The following RFLNA variants were observed in gnomAD, a reference collection of about 807,000 sequenced individuals.
RFLNA encodes refilin-A.
A neutral mutation model predicts 7.8 loss-of-function variants in RFLNA; 5 were observed. That is an observed-to-expected ratio of 0.64 (90% CI 0.34 to 1.35). RFLNA has a LOEUF of 1.35. RFLNA is among the 40% of genes most tolerant of loss of function. The probability of loss-of-function intolerance (pLI) is 0.04; values close to 1 mark genes in which losing one functional copy is unlikely to be tolerated. For missense variants in RFLNA, 278 were observed against 305.5 expected, an observed-to-expected ratio of 0.91 and a Z score of 0.67; for synonymous variants, 141 against 131.3, an observed-to-expected ratio of 1.07 and a Z score of -0.50.
chr12:124,296,126 C>CTTTCTTTCTT (rs1566320083), intron 1 of RFLNA, among the ~76,000 whole-genome samples: 2 of 1,512 alleles, frequency 1.3e-3, no homozygotes, highest in African/African-American at 1.1e-3. Context: ...CTTTCTTTCT[C>CTTTCTTTCTT]TCTCTCTCTC....
intron 1 of RFLNA, among the ~76,000 whole-genome samples, chr12:124,302,985 AG>A (rs908294125): frequency 2.6e-4 from 39 of 151,072 alleles, no homozygotes; most frequent in African/African-American, 9.2e-4. Context: ...GCAACGGGGG[AG>A]GGGGGGCTCT....
chr12:124,305,389 G>A (rs2034120510), intron 1 of RFLNA, among the ~76,000 whole-genome samples: 1 of 152,212 alleles, frequency 6.6e-6, no homozygotes, highest in African/African-American at 2.4e-5. Flanking sequence ...GTGGCCCAGA[G>A]ACGGGAAGTC....
intron 1 of RFLNA, among the ~76,000 whole-genome samples, chr12:124,304,776 C>G (rs535889926): frequency 6.6e-6 from 1 of 152,208 alleles, no homozygotes; most frequent in Non-Finnish European, 1.5e-5. Context: ...CTCCCCAAAC[C>G]TTAGTGCTCA....
At chr12:124,312,772 G>A (rs913591848) in intron 2 of RFLNA, among the ~76,000 whole-genome samples, 8 of 122,534 alleles carry the variant, frequency 6.5e-5, no homozygotes, top group Non-Finnish European at 1.0e-4. Flanking sequence ...TGCACTGTAA[G>A]TGTATTGGGT....
upstream of RFLNA, among the ~76,000 whole-genome samples, chr12:124,291,298 A>C (rs1219858586): frequency 2.0e-5 from 3 of 152,134 alleles, no homozygotes; most frequent in Non-Finnish European, 4.4e-5. Context: ...TCTATTGCCC[A>C]GGCTGGAGTG....
chr12:124,315,151 G>A lies in RFLNA; in HGVS notation c.*626G>A, dbSNP rs1409240110. 4 of 173,382 alleles carry A rather than the reference G, an allele frequency of 2.3e-5. No individual in the cohort carries two copies. Among genetic ancestry groups the A allele is most frequent in the Non-Finnish European group, 3.7e-5 (3 of 80,552 alleles). The allele number at this position is 173,382 out of a possible 1,614,324, so 10.7% of individuals were successfully genotyped here. On this transcript the variant is annotated 3_prime_UTR_variant, in exon 3 of 3. Transcript: ENST00000546355. The stretch of plus-strand genomic sequence containing the variant: ...CCGGATGCTGATGCCAGCGCTGGAG[G>A]TGGTGATACTGGGGGCGGGGAAGGC...
chr12:124,314,826 A>C lies in RFLNA; in HGVS notation c.*301A>C. ...GGTGGCCACCCCCAGGGTCAGGGGA[A>C]AAGAATGGGTCCATGGAGTGCCCTT... On this transcript the variant is annotated 3_prime_UTR_variant, in exon 3 of 3. Coordinates refer to ENST00000546355, the MANE Select transcript of RFLNA (RefSeq NM_001365156.1). The C allele has an allele frequency of 1.7e-6, 1 of 597,768 alleles. No individual in the cohort carries two copies. The highest frequency in any genetic ancestry group is 3.1e-6 in the Non-Finnish European group (1 of 318,380). 37.0% of individuals were successfully genotyped at this position (597,768 alleles called of 1,614,324 possible).
At chr12:124,305,254 A>G (rs2034118029) in intron 1 of RFLNA, among the ~76,000 whole-genome samples, 1 of 152,208 alleles carries the variant, frequency 6.6e-6, no homozygotes, top group Admixed American at 6.5e-5. Context: ...TTGCGGGCCC[A>G]CTGGCACCCA....
intron 1 of RFLNA, among the ~76,000 whole-genome samples, chr12:124,302,687 C>T (rs1256088680): frequency 1.3e-5 from 2 of 152,140 alleles, no homozygotes; most frequent in Non-Finnish European, 2.9e-5. Flanking sequence ...TAGCCCAGCC[C>T]GTGCGCTTTG....
At chr12:124,295,819 G>T (rs2033898387) in intron 1 of RFLNA, among the ~76,000 whole-genome samples, 183 bp downstream of exon 1, 1 of 152,006 alleles carries the variant, frequency 6.6e-6, no homozygotes, top group Non-Finnish European at 1.5e-5. Flanking sequence ...AGGGGGAGGT[G>T]ATCCAGGCTG....
In RFLNA at chr12:124,306,009, T is replaced by C. The variant is rs544490711; in HGVS notation, c.208-5809T>C. Among the ~76,000 whole-genome samples the C allele has an allele frequency of 2.6e-5, 4 of 152,258 alleles. No homozygotes were observed. Among genetic ancestry groups the C allele is most frequent in the Admixed American group, 2.6e-4 (4 of 15,290 alleles). On this transcript the variant is annotated intron_variant, in intron 1 of 2. Transcript: ENST00000546355. The surrounding 1 kb of genome is among the most constrained non-coding windows in gnomAD (Gnocchi z 5.2). ...GTGGTCCTCAGCCCTTGTTCTGGGGTGACCGTGACTAGCAGGGATGGGGCT... is the reference window on the plus strand; with the variant it reads ...GTGGTCCTCAGCCCTTGTTCTGGGGCGACCGTGACTAGCAGGGATGGGGCT...
chr12:124,305,741 C>T (rs1237913796), intron 1 of RFLNA, among the ~76,000 whole-genome samples: 3 of 152,214 alleles, frequency 2.0e-5, no homozygotes, highest in Admixed American at 1.3e-4. Flanking sequence ...GACCATATCC[C>T]ATCTCAGAAT....
rs759643850 is a variant in RFLNA, at chr12:124,311,904, C to T, written c.294C>T (p.Asn98=). 3.4e-5 allele frequency: 54 copies of T among 1,594,084 alleles called. No individual in the cohort carries two copies. Among genetic ancestry groups the T allele is most frequent in the Middle Eastern group, 1.7e-4 (1 of 6,028 alleles). Residue 98 remains asparagine (N), a synonymous_variant, in exon 2 of 3, where the codon AAC becomes AAT. Coordinates refer to ENST00000546355, the MANE Select transcript of RFLNA (RefSeq NM_001365156.1). ...TCTTTGGGGAGAGCATCAAGGTGAA[C>T]CCGGAACCCACGCATGAGATCCGGT... ...PVFFGESIKV[N]PEPTHEIRCN...
chr12:124,300,591 G>T (rs1024265117), intron 1 of RFLNA, among the ~76,000 whole-genome samples: 1 of 151,702 alleles, frequency 6.6e-6, no homozygotes, highest in African/African-American at 2.4e-5. Context: ...TGGATAGATA[G>T]ATGGATGGAT....
chr12:124,309,330 A>G (rs1230005890), intron 1 of RFLNA, among the ~76,000 whole-genome samples: 2 of 152,098 alleles, frequency 1.3e-5, no homozygotes, highest in Non-Finnish European at 2.9e-5. Context: ...TTGGAATCTT[A>G]GTCCACTGGT....
rs2135686612 is a variant in RFLNA at position 124,306,765 on chromosome 12, A to G, written c.208-5053A>G. Among the ~76,000 whole-genome samples the G allele has an allele frequency of 6.6e-6, 1 of 152,162 alleles. No homozygotes were observed. The highest frequency in any genetic ancestry group is 2.4e-5 in the African/African-American group (1 of 41,516). ...GTGCCCGGCACAGTGAGAGTGCAAA[A>G]AGCTCTGCATCCTCATTGTCCAGGC... On this transcript the variant is annotated intron_variant, in intron 1 of 2. Coordinates refer to ENST00000546355, the MANE Select transcript of RFLNA (RefSeq NM_001365156.1). This position sits in a 1 kb window ranked among gnomAD's most constrained non-coding sequence, Gnocchi z 5.2.
chr12:124,295,646 C>T lies in RFLNA; in HGVS notation c.207+10C>T, dbSNP rs566605964. 8.1e-7 allele frequency: 1 copy of T among 1,232,620 alleles called. No individual in the cohort carries two copies. Among genetic ancestry groups the T allele is most frequent in the Non-Finnish European group, 1.0e-6 (1 of 987,890 alleles). The allele number at this position is 1,232,620 out of a possible 1,614,324, so 76.4% of individuals were successfully genotyped here. ...CAGCGAGGCCAGAGCGGTAAGGAGG[C>T]GCTCTCTCTCCCAAACGGGGGACCG... On this transcript the variant is annotated intron_variant, in intron 1 of 2. Transcript: ENST00000546355.
At chr12:124,297,509 C>T (rs1367992012) in intron 1 of RFLNA, among the ~76,000 whole-genome samples, 1 of 152,186 alleles carries the variant, frequency 6.6e-6, no homozygotes, top group Non-Finnish European at 1.5e-5. Flanking sequence ...GAAGCCTACA[C>T]TCCAATTAGC....
intron 1 of RFLNA, among the ~76,000 whole-genome samples, chr12:124,300,016 A>T (rs11836507): frequency 6.6e-6 from 1 of 152,222 alleles, no homozygotes; most frequent in Non-Finnish European, 1.5e-5. Flanking sequence ...GCCCTGTGCC[A>T]TCTTACTGCA....
Sources: allele counts gnomAD v4.1 joint callset (sites outside exome capture counted in the v4.1 genomes callset), GRCh38; gene constraint gnomAD v4.1.1; non-coding constraint Gnocchi (gnomAD v3.1); transcripts MANE v1.5; gene names NCBI Gene and HGNC (gene_info 2026-07-23, HGNC 2026-07-21).